PKD1: variants seen among roughly 807,000 people sequenced by gnomAD.
PKD1 encodes the protein polycystin-1.
In PKD1, 81 loss-of-function variants were observed where a neutral mutation model predicts 361.7. The observed-to-expected ratio is 0.22, with a 90% CI of 0.19 to 0.27. PKD1 has a LOEUF of 0.27. Among genes scored for constraint, PKD1 ranks in the 10% least tolerant of loss-of-function variants. The pLI is 1.00. For missense variants in PKD1, 6,399 were observed against 6,118.3 expected, an observed-to-expected ratio of 1.05 and a Z score of -1.53; for synonymous variants, 3,615 against 2,818.3, an observed-to-expected ratio of 1.28 and a Z score of -8.95.
At position 2,097,970 on chromosome 16, in the gene PKD1, C is replaced by G. The variant is rs757555029; in HGVS notation, c.10065G>C (p.Pro3355=). ...CCTGCTGCCCGGCAGGTGTGGGGCT[C>G]GGGCTCCCAGCCACCTGCAGGACGA... ...RMSRSKVAGS[P]SPTPAGQQVL... The change falls in exon 31 of 46, where the codon CCG becomes CCC. Residue 3355 remains proline, a synonymous_variant. Transcript: ENST00000262304. 2.5e-6 allele frequency: 4 copies of G among 1,585,988 alleles called. No homozygotes were observed. Among genetic ancestry groups the G allele is most frequent in the Non-Finnish European group, 3.4e-6 (4 of 1,160,422 alleles).
Position 2,105,862 on chromosome 16 carries a change from C to A in PKD1, c.7863+3G>T, listed in dbSNP as rs751698065. On this transcript the variant is annotated splice_donor_region_variant and intron_variant, in intron 20 of 45. Coordinates refer to ENST00000262304, the MANE Select transcript of PKD1 (RefSeq NM_001009944.3). ...GTGACGTCCCCTCCCAGGCTGCACTCACCTCGTTCAGCACGGTGACCAGGG... is the reference window on the plus strand; with the variant it reads ...GTGACGTCCCCTCCCAGGCTGCACTAACCTCGTTCAGCACGGTGACCAGGG... 1 of 1,595,726 alleles carries A rather than the reference C, an allele frequency of 6.3e-7. No homozygotes were observed. The highest frequency in any genetic ancestry group is 1.1e-5 in the South Asian group (1 of 90,982).
chr16:2,115,293 T>C, intron 10 of PKD1, 85 bp downstream of exon 10: 1 of 1,359,008 alleles, frequency 7.4e-7, no homozygotes, highest in Non-Finnish European at 1.0e-6. Flanking sequence ...TGGGTGTGTC[T>C]GGTGCACAGA....
rs752041947 is a variant in PKD1, at chr16:2,102,883, C to T, written c.8879G>A (p.Ser2960Asn). The change falls in exon 24 of 46, where the codon AGC becomes AAC. Residue 2960 changes from serine (S) to asparagine (N), a missense_variant. Ser to Asn is a conservative substitution (Grantham distance 46). Coordinates refer to ENST00000262304, the MANE Select transcript of PKD1 (RefSeq NM_001009944.3). ...GAGTGACTCTGGGCGGATCCTCCTG[C>T]TAGCCGAGCAGTTGTGCTCATTGGG... ...PRPNEHNCSA[S>N]RRIRPESLQG... 13 of 1,610,078 alleles carry T rather than the reference C, an allele frequency of 8.1e-6. No homozygotes were observed. Among genetic ancestry groups the T allele is most frequent in the South Asian group, 5.5e-5 (5 of 91,002 alleles).
intron 1 of PKD1, among the ~76,000 whole-genome samples, chr16:2,133,437 C>A (rs1236275194): frequency 8.2e-5 from 12 of 146,662 alleles, no homozygotes; most frequent in Non-Finnish European, 6.0e-5. Context: ...GACACCCAGA[C>A]AGCAACGCTC....
chr16:2,091,575 G>A lies in PKD1; in HGVS notation c.11560C>T (p.Leu3854Phe), dbSNP rs1378296694. Residue 3854 changes from leucine to phenylalanine, a missense_variant, in exon 42 of 46, where the codon CTC (leucine) becomes TTC (phenylalanine). Transcript: ENST00000262304. ...DNRSRAVFLE[L>F]TRYSPAVGLH... ...CCCACGGCCGGGCTGTAGCGCGTGAGCTCCAGGAACACAGCGCGGCTCCTG... is the reference window on the plus strand; with the variant it reads ...CCCACGGCCGGGCTGTAGCGCGTGAACTCCAGGAACACAGCGCGGCTCCTG... 1 of 1,551,836 alleles carries A rather than the reference G, an allele frequency of 6.4e-7. No individual in the cohort carries two copies. Among genetic ancestry groups the A allele is most frequent in the East Asian group, 2.3e-5 (1 of 42,872 alleles).
chr16:2,105,771 G>A lies in PKD1; in HGVS notation c.7863+94C>T, dbSNP rs1220325295. ...ACTGGGATTTATCTCTGGGGCCCGG[G>A]ATGAGCCCTCTGCAAAGCTCCAGGC... On this transcript the variant is annotated intron_variant, in intron 20 of 45. Transcript: ENST00000262304. 8.1e-5 allele frequency: 115 copies of A among 1,414,760 alleles called. 1 individual carries two copies. In the East Asian group the frequency reaches 2.6e-3, roughly 32 times the overall value. The allele number at this position is 1,414,760 out of a possible 1,614,324, so 87.6% of individuals were successfully genotyped here.
chr16:2,127,155 G>A (rs542728325), intron 1 of PKD1, among the ~76,000 whole-genome samples: 4 of 152,312 alleles, frequency 2.6e-5, no homozygotes, highest in Admixed American at 1.3e-4. Flanking sequence ...AGCGCACACC[G>A]CCACCACCTA....
At chr16:2,107,183 A>T (rs1374324592) in intron 16 of PKD1, 1 of 589,110 alleles carries the variant, frequency 1.7e-6, no homozygotes, top group African/African-American at 1.9e-5. Context: ...TACTGGACCC[A>T]GCTGGACCCT....
In PKD1 at chr16:2,117,812, G is replaced by C. The variant is rs1392012748; in HGVS notation, c.1180C>G (p.Leu394Val). The change falls in exon 5 of 46, where the codon CTG becomes GTG. Residue 394 changes from leucine (L) to valine (V), a missense_variant. Coordinates refer to ENST00000262304, the MANE Select transcript of PKD1 (RefSeq NM_001009944.3). ...TCACCTCGGGCCGGCTCCTCGCCCA[G>C]GGCCACGATGCTGTAGGCGGCCTCC... ...GLEAAYSIVALGEEPARAVHP... is the reference protein window; with the variant it reads ...GLEAAYSIVAVGEEPARAVHP... The C allele has an allele frequency of 8.1e-6, 10 of 1,233,284 alleles. No homozygotes were observed. The highest frequency in any genetic ancestry group is 2.5e-5 in the East Asian group (1 of 39,320). 76.4% of individuals were successfully genotyped at this position (1,233,284 alleles called of 1,614,324 possible).
Position 2,089,412 on chromosome 16 carries a change from C to T in PKD1, c.*315G>A, listed in dbSNP as rs2091342706. ...CAGCAGCCTTAGCAGTGGGGGACAT[C>T]TGCCCAGGGGGTGGGGCCGGGCACA... On this transcript the variant is annotated 3_prime_UTR_variant, in exon 46 of 46. Transcript: ENST00000262304. The T allele has an allele frequency of 4.4e-6, 2 of 456,120 alleles. No homozygotes were observed. The highest frequency in any genetic ancestry group is 8.0e-6 in the Non-Finnish European group (2 of 250,912). The allele number at this position is 456,120 out of a possible 1,614,324, so 28.3% of individuals were successfully genotyped here. A position where few individuals can be genotyped will look rare whatever the true frequency, so the allele number is the denominator to read the frequency against.
intron 16 of PKD1, 96 bp downstream of exon 16, chr16:2,107,787 G>A (rs761315064): frequency 6.9e-5 from 80 of 1,167,254 alleles, no homozygotes; most frequent in South Asian, 1.7e-4. Flanking sequence ...AGGGGAGAGC[G>A]TGCGGCCTCC....
Position 2,091,470 on chromosome 16 carries a change from C to T in PKD1, c.11665G>A (p.Ala3889Thr). ...ALAALSVRPF[A>T]LRRLSAGLSL... ...AGGCCCGCGCTGAGGCGGCGCAGCG[C>T]AAAGGGGCGGACGCTGAGGGCGGCC... Residue 3889 changes from alanine to threonine, a missense_variant, in exon 42 of 46, where the codon GCG (alanine) becomes ACG (threonine). By Grantham distance (58) the Ala-to-Thr change is moderately conservative. Transcript: ENST00000262304. The T allele has an allele frequency of 7.5e-7, 1 of 1,328,700 alleles. No individual in the cohort carries two copies. Among genetic ancestry groups the T allele is most frequent in the Non-Finnish European group, 9.6e-7 (1 of 1,044,074 alleles). 82.3% of individuals were successfully genotyped at this position (1,328,700 alleles called of 1,614,324 possible). A position where few individuals can be genotyped will look rare whatever the true frequency, so the allele number is the denominator to read the frequency against.
intron 1 of PKD1, among the ~76,000 whole-genome samples, chr16:2,129,228 C>T (rs1208921143): frequency 6.7e-6 from 1 of 149,660 alleles, no homozygotes; most frequent in Non-Finnish European, 1.5e-5. Context: ...GGCACCATCA[C>T]AGCTAACTGC....
intron 37 of PKD1, 62 bp downstream of exon 37, chr16:2,093,482 T>TGGGTGGG: frequency 6.9e-7 from 1 of 1,451,804 alleles, no homozygotes; most frequent in Non-Finnish European, 9.4e-7. Context: ...CCTGCGTGCA[T>TGGGTGGG]GGGTGGGAGG....
intron 30 of PKD1, among the ~76,000 whole-genome samples, chr16:2,098,392 T>A (rs1016363282): frequency 3.3e-5 from 5 of 151,142 alleles, no homozygotes; most frequent in African/African-American, 1.2e-4. Flanking sequence ...GTATTTTTAG[T>A]AGAGACGGGG....
chr16:2,097,429 C>G lies in PKD1; in HGVS notation c.10295G>C (p.Ser3432Thr). Residue 3432 changes from serine (S) to threonine (T), a missense_variant, in exon 33 of 46, where the codon AGC (serine) becomes ACC (threonine). Physicochemically the swap from Ser to Thr is moderately conservative, Grantham distance 58 (BLOSUM62 1). Transcript: ENST00000262304. ...GCCCCGTGCCAGCTGCCGCAGATTG[C>G]TACCCACAATGGACGGGTCACTGAG... ...DLLSDPSIVGSNLRQLARGQA... is the reference protein window; with the variant it reads ...DLLSDPSIVGTNLRQLARGQA... 1 of 1,608,322 alleles carries G rather than the reference C, an allele frequency of 6.2e-7. No homozygotes were observed. Among genetic ancestry groups the G allele is most frequent in the Non-Finnish European group, 8.5e-7 (1 of 1,179,928 alleles).
In PKD1 at chr16:2,108,239, G is replaced by A. The variant is rs756852890; in HGVS notation, c.6915+13C>T. ...GGTGAGGGGCATGGAGGACGGCCCT[G>A]CCACGCACTGACCTGTGTCGAAGCC... On this transcript the variant is annotated intron_variant, in intron 15 of 45. Transcript: ENST00000262304. 3.1e-6 allele frequency: 5 copies of A among 1,591,566 alleles called. No homozygotes were observed. In the South Asian group the frequency reaches 3.3e-5, roughly 11 times the overall value.
In PKD1 at chr16:2,089,768, G is replaced by T. The variant is rs1041724463; in HGVS notation, c.12871C>A (p.Pro4291Thr). The change falls in exon 46 of 46, where the codon CCC becomes ACC. Residue 4291 changes from proline to threonine, a missense_variant. By Grantham distance (38) the Pro-to-Thr change is conservative. Coordinates refer to ENST00000262304, the MANE Select transcript of PKD1 (RefSeq NM_001009944.3). The stretch of plus-strand genomic sequence containing the variant: ...TGGACCTTGTTCTTGGCCCGAAGGG[G>T]TGTCCTGCTGGGGCCAGTGGCCAGG... ...VDLATGPSRTPLRAKNKVHPS... is the reference protein window; with the variant it reads ...VDLATGPSRTTLRAKNKVHPS... 3.1e-6 allele frequency: 5 copies of T among 1,596,078 alleles called. No individual in the cohort carries two copies. The African/African-American group carries it at 6.7e-5, about 21-fold the overall frequency.
chr16:2,106,717 C>T lies in PKD1; in HGVS notation c.7210-40G>A, dbSNP rs747426008. On this transcript the variant is annotated intron_variant, in intron 17 of 45. Coordinates refer to ENST00000262304, the MANE Select transcript of PKD1 (RefSeq NM_001009944.3). The surrounding 1 kb of genome is among the most constrained non-coding windows in gnomAD (Gnocchi z 6.5). ...GGTGGTGAGGGGGCGCAACCCTCTG[C>T]CCTGTCAGCCCCACTTCTGCCTGCA... is the stretch of plus-strand genomic sequence containing the variant. The T allele has an allele frequency of 3.9e-6, 6 of 1,545,240 alleles. No individual in the cohort carries two copies. Among genetic ancestry groups the T allele is most frequent in the South Asian group, 1.1e-5 (1 of 88,528 alleles).
Sources: allele counts gnomAD v4.1 joint callset (sites outside exome capture counted in the v4.1 genomes callset), GRCh38; gene constraint gnomAD v4.1.1; non-coding constraint Gnocchi (gnomAD v3.1); transcripts MANE v1.5; gene names NCBI Gene and HGNC (gene_info 2026-07-23, HGNC 2026-07-21).